The following PCDHGB3 variants were observed in gnomAD, a reference collection of about 807,000 sequenced individuals.
PCDHGB3 encodes the protein protocadherin gamma-B3.
Under a neutral mutation model 59.2 loss-of-function variants are expected in PCDHGB3, and 40 were observed. That is an observed-to-expected ratio of 0.68 (90% CI 0.52 to 0.88). The LOEUF is 0.88. Ranked by LOEUF, PCDHGB3 falls within the 40% of genes least tolerant of loss-of-function variation. The pLI, the probability that PCDHGB3 is intolerant of heterozygous loss-of-function variation, is 0.00. For synonymous variants in PCDHGB3, 581 were observed against 503.6 expected (o/e 1.15, Z -2.06); for missense variants, 1,309 against 1,187.9 (o/e 1.10, Z -1.50).
Position 141,489,375 on chromosome 5 carries a change from G to C in PCDHGB3, c.2416-5432G>C. On this transcript the variant is annotated intron_variant, in intron 1 of 3. Coordinates refer to ENST00000576222, the MANE Select transcript of PCDHGB3 (RefSeq NM_018924.5). The surrounding 1 kb of genome is among the most constrained non-coding windows in gnomAD (Gnocchi z 4.5). ...AGGAGTCTGAGCCGGGGACGCTGGT[G>C]GGGAATGTTGCTCAGGATCTGGGCT... 1 of 1,613,826 alleles carries C rather than the reference G, an allele frequency of 6.2e-7. No homozygotes were observed.
At chr5:141,410,364 C>A in intron 1 of PCDHGB3, 1 of 1,614,064 alleles carries the variant, frequency 6.2e-7, no homozygotes, top group Non-Finnish European at 8.5e-7. Flanking sequence ...TCTCTCAGCC[C>A]TGCTACTTGG....
intron 1 of PCDHGB3, among the ~76,000 whole-genome samples, chr5:141,468,946 C>G: frequency 7.0e-6 from 1 of 141,900 alleles, no homozygotes; most frequent in Non-Finnish European, 1.5e-5. Context: ...ATGGGGTAAA[C>G]CTGTGGTTTT....
rs1363891858 is a variant in PCDHGB3, at chr5:141,491,369, C to T, written c.2416-3438C>T. 8.7e-6 allele frequency: 14 copies of T among 1,614,110 alleles called. No homozygotes were observed. Among genetic ancestry groups the T allele is most frequent in the East Asian group, 2.2e-5 (1 of 44,866 alleles). On this transcript the variant is annotated intron_variant, in intron 1 of 3. Coordinates refer to ENST00000576222, the MANE Select transcript of PCDHGB3 (RefSeq NM_018924.5). The surrounding 1 kb of genome is among the most constrained non-coding windows in gnomAD (Gnocchi z 6.9). ...AGTCTCTTATCCCTAGTCACCTTCACCTTTCTGTCAGCGAAGTGCCTTCAG... is the reference window on the plus strand; with the variant it reads ...AGTCTCTTATCCCTAGTCACCTTCATCTTTCTGTCAGCGAAGTGCCTTCAG...
rs551396089 is a variant in PCDHGB3, at chr5:141,423,798, A to T, written c.2415+50989A>T. On this transcript the variant is annotated intron_variant, in intron 1 of 3. Coordinates refer to ENST00000576222, the MANE Select transcript of PCDHGB3 (RefSeq NM_018924.5). ...TATTTAGTTCATATATATTTAGAGC[A>T]ATACATGTGAGTTTTACTTTGCCTT... is the stretch of plus-strand genomic sequence containing the variant. 3.3e-6 allele frequency: 4 copies of T among 1,222,280 alleles called. No homozygotes were observed. The South Asian group carries it at 1.1e-4, about 33-fold the overall frequency. 75.7% of individuals were successfully genotyped at this position (1,222,280 alleles called of 1,614,324 possible). A position where few individuals can be genotyped will look rare whatever the true frequency, so the allele number is the denominator to read the frequency against.
At chr5:141,455,686 G>A (rs1282071031) in intron 1 of PCDHGB3, among the ~76,000 whole-genome samples, 1 of 152,094 alleles carries the variant, frequency 6.6e-6, no homozygotes. Context: ...AAGGCTGTGG[G>A]AATCGCCAAG....
chr5:141,371,469 G>T lies in PCDHGB3; in HGVS notation c.1075G>T (p.Asp359Tyr). The change falls in exon 1 of 4, where the codon GAT becomes TAT. Residue 359 changes from aspartate (D) to tyrosine (Y), a missense_variant. Coordinates refer to ENST00000576222, the MANE Select transcript of PCDHGB3 (RefSeq NM_018924.5). ...LASESQHIQE[D>Y]AELGTAVALI... The stretch of plus-strand genomic sequence containing the variant: ...TTCTGAATCCCAACATATACAAGAA[G>T]ATGCTGAGCTGGGGACTGCCGTTGC... The T allele has an allele frequency of 6.2e-7, 1 of 1,613,990 alleles. No homozygotes were observed. The highest frequency in any genetic ancestry group is 8.5e-7 in the Non-Finnish European group (1 of 1,179,872).
Position 141,431,612 on chromosome 5 carries a change from G to T in PCDHGB3, c.2415+58803G>T, listed in dbSNP as rs79883194. 6.2e-7 allele frequency: 1 copy of T among 1,614,244 alleles called. No homozygotes were observed. The highest frequency in any genetic ancestry group is 2.2e-5 in the East Asian group (1 of 44,880). Reference sequence around the variant, plus strand: ...AGTGAGGTATTCCTTCCGGTATGTGGACGACAAGGCGGCCCAAGTTTTCAA... The same window carrying T: ...AGTGAGGTATTCCTTCCGGTATGTGTACGACAAGGCGGCCCAAGTTTTCAA... On this transcript the variant is annotated intron_variant, in intron 1 of 3. Transcript: ENST00000576222. The surrounding 1 kb of genome is among the most constrained non-coding windows in gnomAD (Gnocchi z 4.8).
At chr5:141,503,675 T>C (rs1233495836) in intron 2 of PCDHGB3, among the ~76,000 whole-genome samples, 1 of 152,104 alleles carries the variant, frequency 6.6e-6, no homozygotes. Flanking sequence ...CTTCCCACTT[T>C]TGGGAAGGAG....
In PCDHGB3 at chr5:141,375,324, A is replaced by C. The variant is rs751354618; in HGVS notation, c.2415+2515A>C. On this transcript the variant is annotated intron_variant, in intron 1 of 3. Coordinates refer to ENST00000576222, the MANE Select transcript of PCDHGB3 (RefSeq NM_018924.5). ...ACAAATGCAGCTCTAGACCGGGAAGAGGTATTCTTGTACAACATCACTGTG... is the reference window on the plus strand; with the variant it reads ...ACAAATGCAGCTCTAGACCGGGAAGCGGTATTCTTGTACAACATCACTGTG... 1.9e-6 allele frequency: 3 copies of C among 1,613,688 alleles called. No homozygotes were observed. In the African/African-American group the frequency reaches 4.0e-5, roughly 22 times the overall value.
chr5:141,472,045 TA>T (rs1227282207), intron 1 of PCDHGB3, among the ~76,000 whole-genome samples: 3 of 152,170 alleles, frequency 2.0e-5, no homozygotes, highest in Non-Finnish European at 4.4e-5. Flanking sequence ...GAAAAGATTT[TA>T]AAAATGATTG....
rs1326457567 is a variant in PCDHGB3, at chr5:141,370,954, A to G, written c.560A>G (p.Asp187Gly). The change falls in exon 1 of 4, where the codon GAT becomes GGT. Residue 187 changes from aspartate to glycine, a missense_variant. Physicochemically the swap from Asp to Gly is moderately conservative, Grantham distance 94. Transcript: ENST00000576222. ...HFSLIQKENL[D>G]GSRYPELVLK... is the part of the protein sequence containing the mutation. ...TCTTTGATTCAGAAGGAGAACCTGG[A>G]TGGCAGTAGGTACCCAGAGCTAGTA... is the stretch of plus-strand genomic sequence containing the variant. The G allele has an allele frequency of 1.2e-6, 2 of 1,613,992 alleles. No individual in the cohort carries two copies. The highest frequency in any genetic ancestry group is 1.7e-6 in the Non-Finnish European group (2 of 1,179,874).
intron 1 of PCDHGB3, among the ~76,000 whole-genome samples, chr5:141,373,754 ATAT>A (rs1224910859): frequency 6.6e-6 from 1 of 152,230 alleles, no homozygotes; most frequent in Non-Finnish European, 1.5e-5. Context: ...GGGGAGGGAA[ATAT>A]TATGAGTGTC....
At chr5:141,398,255 A>T (rs1244403375) in intron 1 of PCDHGB3, 1 of 1,457,928 alleles carries the variant, frequency 6.9e-7, no homozygotes, top group African/African-American at 1.4e-5. Context: ...GAAATGCCCA[A>T]GGGCTCCGTA....
intron 2 of PCDHGB3, among the ~76,000 whole-genome samples, chr5:141,500,184 TTTTATTTA>T (rs58019021): frequency 0.099 from 13,469 of 135,812 alleles, 757 homozygotes; most frequent in African/African-American, 0.15. Context: ...TCATTTTTAT[TTTTATTTA>T]TTTATTTATT....
intron 1 of PCDHGB3, chr5:141,410,087 G>C (rs1427716409): frequency 6.2e-7 from 1 of 1,612,364 alleles, no homozygotes; most frequent in Admixed American, 1.7e-5. Context: ...GGTGCGCACG[G>C]CTCGAGCCTT....
At chr5:141,410,337 C>T (rs1196366344) in intron 1 of PCDHGB3, 1 of 1,613,930 alleles carries the variant, frequency 6.2e-7, no homozygotes, top group Non-Finnish European at 8.5e-7. Context: ...CTGGCCATTG[C>T]CTTGCGCCTG....
rs1031996605 is a variant in PCDHGB3, at chr5:141,487,055, G to C, written c.2416-7752G>C. ...TGCAGTCTCTCGATATGCTGGGGAG[G>C]TGCGGACGGCTGTTCCTATCCCAGC... is the stretch of plus-strand genomic sequence containing the variant. On this transcript the variant is annotated intron_variant, in intron 1 of 3. Transcript: ENST00000576222. The surrounding 1 kb of genome is among the most constrained non-coding windows in gnomAD (Gnocchi z 5.0). The C allele has an allele frequency of 6.2e-7, 1 of 1,614,186 alleles. No individual in the cohort carries two copies. The highest frequency in any genetic ancestry group is 8.5e-7 in the Non-Finnish European group (1 of 1,180,038).
At chr5:141,466,583 C>T (rs2099125595) in intron 1 of PCDHGB3, among the ~76,000 whole-genome samples, 1 of 152,184 alleles carries the variant, frequency 6.6e-6, no homozygotes, top group Admixed American at 6.6e-5. Flanking sequence ...CTCATCCCTT[C>T]TTAAAACAAG....
At chr5:141,435,503 A>G (rs2097767522) in intron 1 of PCDHGB3, among the ~76,000 whole-genome samples, 1 of 152,170 alleles carries the variant, frequency 6.6e-6, no homozygotes, top group Non-Finnish European at 1.5e-5. Context: ...TACACTAATG[A>G]TACTAATGAT....
Sources: gnomAD v4.1 joint callset for allele counts (sites outside exome capture counted in the v4.1 genomes callset) on GRCh38, gnomAD v4.1.1 for gene constraint, Gnocchi (gnomAD v3.1) non-coding constraint, MANE v1.5 for transcripts, NCBI Gene and HGNC (gene_info 2026-07-23, HGNC 2026-07-21) for gene names.